Variants in MALSU1 observed in about 807,000 individuals in gnomAD.
MALSU1 encodes mitochondrial assembly of ribosomal large subunit 1.
Under a neutral mutation model 22.1 loss-of-function variants are expected in MALSU1, and 22 were observed. The observed-to-expected ratio is 1.00, with a 90% CI of 0.71 to 1.42. MALSU1 has a LOEUF of 1.42. MALSU1 is among the 40% of genes most tolerant of loss of function. MALSU1 has a pLI of 0.00. For missense variants in MALSU1, 379 were observed against 308.3 expected, an observed-to-expected ratio of 1.23 and a Z score of -1.72; for synonymous variants, 153 against 118.5, an observed-to-expected ratio of 1.29 and a Z score of -1.89.
intron 1 of MALSU1, among the ~76,000 whole-genome samples, chr7:23,300,613 T>C (rs1783629093): frequency 6.6e-6 from 1 of 152,178 alleles, no homozygotes; most frequent in South Asian, 2.1e-4. Context: ...TAGCGAAGGA[T>C]GTATAGTGGC....
chr7:23,302,075 G>A (rs1583858367), intron 2 of MALSU1, among the ~76,000 whole-genome samples: 1 of 152,120 alleles, frequency 6.6e-6, no homozygotes, highest in Non-Finnish European at 1.5e-5. Context: ...CAGCCATAAA[G>A]CATTTTCATC....
chr7:23,304,013 C>T (rs754048497), intron 2 of MALSU1, among the ~76,000 whole-genome samples: 1 of 150,916 alleles, frequency 6.6e-6, no homozygotes, highest in East Asian at 2.0e-4. Context: ...GGCTGAGGCA[C>T]GAGAATCGCT....
In MALSU1 at chr7:23,307,950, G is replaced by GT. The variant is rs1783745306; in HGVS notation, c.517+2dup. ...GATGACTGGCTGTGCGTGGATTTTG[G>GT]TAAGTTATTCTGGCGTATTTTACAG... On this transcript the variant is annotated splice_donor_variant, in intron 3 of 3. Coordinates refer to ENST00000466681, the MANE Select transcript of MALSU1 (RefSeq NM_138446.2). LOFTEE classifies it high-confidence loss of function. The GT allele has an allele frequency of 4.3e-6, 7 of 1,610,124 alleles. No homozygotes were observed. The highest frequency in any genetic ancestry group is 1.7e-5 in the Admixed American group (1 of 60,002).
chr7:23,299,689 C>T (rs550502894), intron 1 of MALSU1, 81 bp downstream of exon 1: 1 of 1,434,754 alleles, frequency 7.0e-7, no homozygotes, highest in South Asian at 1.3e-5. Flanking sequence ...TCTGGGTTCC[C>T]CTCTATGTGC....
rs368877261 is a variant in MALSU1, at chr7:23,299,352, T to G, written c.-1T>G. On this transcript the variant is annotated 5_prime_UTR_variant, in exon 1 of 4. Coordinates refer to ENST00000466681, the MANE Select transcript of MALSU1 (RefSeq NM_138446.2). ...CGCGACGCCGACGCAAGGCTGCTGC[T>G]ATGGGGCCGGGCGGCCGTGTGGCGC... is the stretch of plus-strand genomic sequence containing the variant. 2.6e-6 allele frequency: 4 copies of G among 1,568,528 alleles called. No homozygotes were observed. Among genetic ancestry groups the G allele is most frequent in the Non-Finnish European group, 2.6e-6 (3 of 1,162,908 alleles).
intron 2 of MALSU1, among the ~76,000 whole-genome samples, chr7:23,305,693 T>G (rs1414171639): frequency 6.6e-6 from 1 of 152,100 alleles, no homozygotes; most frequent in Admixed American, 6.6e-5. Flanking sequence ...AAAGTTTAGG[T>G]TGGATTTTTC....
At chr7:23,299,637 C>T (rs759500053) in intron 1 of MALSU1, 29 bp downstream of exon 1, 6 of 1,545,788 alleles carry the variant, frequency 3.9e-6, no homozygotes, top group East Asian at 2.4e-5. Flanking sequence ...ACGAAGGCGA[C>T]CCTCTCCGGG....
At position 23,302,512 on chromosome 7, in the gene MALSU1, T is replaced by G. The variant is rs116993342; in HGVS notation, c.435+1495T>G. 3.7e-3 allele frequency among the ~76,000 whole-genome samples: 557 copies of G among 152,012 alleles called. 2 individuals carry two copies. Among genetic ancestry groups the G allele is most frequent in the Admixed American group, 7.2e-3 (110 of 15,284 alleles). ...GCCAAAAACAGGGTAATTGGAGAGATAGGGAGAGAACTAGGAAAGCATAAA... is the reference window on the plus strand; with the variant it reads ...GCCAAAAACAGGGTAATTGGAGAGAGAGGGAGAGAACTAGGAAAGCATAAA... On this transcript the variant is annotated intron_variant, in intron 2 of 3. Transcript: ENST00000466681.
chr7:23,310,345 G>A lies in MALSU1; in HGVS notation c.*802G>A, dbSNP rs541593861. ...CAATTATAGAATTATTTCTTAGCTA[G>A]TACCAGATACTCCAAATTACAAATG... On this transcript the variant is annotated 3_prime_UTR_variant, in exon 4 of 4. Transcript: ENST00000466681. 1 of 152,280 alleles carries A rather than the reference G, an allele frequency of 6.6e-6. No homozygotes were observed. The highest frequency in any genetic ancestry group is 1.9e-4 in the East Asian group (1 of 5,186). 9.4% of individuals were successfully genotyped at this position (152,280 alleles called of 1,614,324 possible). A position where few individuals can be genotyped will look rare whatever the true frequency, so the allele number is the denominator to read the frequency against.
At chr7:23,308,935 GCAAAGCTGCCCTTTGCC>G (rs1322847717) in intron 3 of MALSU1, among the ~76,000 whole-genome samples, 1 of 152,180 alleles carries the variant, frequency 6.6e-6, no homozygotes, top group Non-Finnish European at 1.5e-5. Flanking sequence ...GCTGCTGTAA[GCAAAGCTGCCCTTTGCC>G]CTGGAGGGAG....
At position 23,300,822 on chromosome 7, in the gene MALSU1, C is replaced by T. The variant is rs1783632676; in HGVS notation, c.257-17C>T. 1.2e-6 allele frequency: 2 copies of T among 1,607,766 alleles called. No individual in the cohort carries two copies. Among genetic ancestry groups the T allele is most frequent in the Admixed American group, 1.7e-5 (1 of 59,606 alleles). On this transcript the variant is annotated splice_polypyrimidine_tract_variant and intron_variant, in intron 1 of 3. Coordinates refer to ENST00000466681, the MANE Select transcript of MALSU1 (RefSeq NM_138446.2). ...TGCTTGGCCATCCTGATACAAACAA[C>T]TATTTGTGCATTTCAGATCATACTG...
intron 2 of MALSU1, among the ~76,000 whole-genome samples, chr7:23,305,290 C>T (rs1035841181): frequency 4.0e-4 from 61 of 152,196 alleles, no homozygotes; most frequent in African/African-American, 1.5e-3. Context: ...GTTTTGTTTA[C>T]CATAGCTTTG....
intron 1 of MALSU1, among the ~76,000 whole-genome samples, chr7:23,300,195 A>G (rs928934862): frequency 6.6e-6 from 1 of 152,152 alleles, no homozygotes; most frequent in East Asian, 1.9e-4. Context: ...TGAAGATCAG[A>G]ATATCTAAAT....
intron 2 of MALSU1, among the ~76,000 whole-genome samples, chr7:23,303,586 C>T (rs1163809189): frequency 1.3e-5 from 2 of 151,920 alleles, no homozygotes; most frequent in African/African-American, 2.4e-5. Flanking sequence ...TGCTTGAGCT[C>T]AGAAGTTTGA....
At chr7:23,302,439 G>C (rs899752566) in intron 2 of MALSU1, among the ~76,000 whole-genome samples, 1 of 152,178 alleles carries the variant, frequency 6.6e-6, no homozygotes, top group South Asian at 2.1e-4. Context: ...AAATAAAAAG[G>C]TGGGGCCTAT....
chr7:23,301,258 T>TA (rs1389406407), intron 2 of MALSU1: 8 of 170,862 alleles, frequency 4.7e-5, no homozygotes, highest in Non-Finnish European at 9.8e-5. Context: ...GCAAGGAAGA[T>TA]TTTTTTTTTT....
rs982316872 is a variant in MALSU1 at position 23,310,304 on chromosome 7, T to C, written c.*761T>C. ...TTATACATGAGGAATGATCCATATATGGTGAGTACAAAACTCAATTATAGA... is the reference window on the plus strand; with the variant it reads ...TTATACATGAGGAATGATCCATATACGGTGAGTACAAAACTCAATTATAGA... On this transcript the variant is annotated 3_prime_UTR_variant, in exon 4 of 4. Coordinates refer to ENST00000466681, the MANE Select transcript of MALSU1 (RefSeq NM_138446.2). The C allele has an allele frequency of 1.3e-5, 2 of 152,232 alleles. No homozygotes were observed. Among genetic ancestry groups the C allele is most frequent in the Non-Finnish European group, 2.9e-5 (2 of 68,036 alleles). 9.4% of individuals were successfully genotyped at this position (152,232 alleles called of 1,614,324 possible). A position where few individuals can be genotyped will look rare whatever the true frequency, so the allele number is the denominator to read the frequency against.
intron 1 of MALSU1, among the ~76,000 whole-genome samples, 162 bp from the exon 2 acceptor site, chr7:23,300,677 C>T (rs1264787280): frequency 6.6e-6 from 1 of 152,102 alleles, no homozygotes; most frequent in African/African-American, 2.4e-5. Context: ...TATGATACTA[C>T]TGCCCAGGTT....
At chr7:23,302,122 G>C (rs1436961816) in intron 2 of MALSU1, among the ~76,000 whole-genome samples, 1 of 152,212 alleles carries the variant, frequency 6.6e-6, no homozygotes, top group African/African-American at 2.4e-5. Flanking sequence ...CTGGCCTGGA[G>C]TTTCATTCAA....
Sources: allele counts gnomAD v4.1 joint callset (sites outside exome capture counted in the v4.1 genomes callset), GRCh38; gene constraint gnomAD v4.1.1; transcripts MANE v1.5; gene names NCBI Gene and HGNC (gene_info 2026-07-23, HGNC 2026-07-21).